ARMC9: variants seen among roughly 807,000 people sequenced by gnomAD.
ARMC9 encodes lisH domain-containing protein ARMC9.
ARMC9 carries 94 observed loss-of-function variants against 107.0 expected under a neutral mutation model. The observed-to-expected ratio is 0.88, with a 90% CI of 0.74 to 1.04. The LOEUF is 1.04. Among genes scored for constraint, ARMC9 ranks in the 50% least tolerant of loss-of-function variants. ARMC9 has a pLI of 0.00. For missense variants in ARMC9, 942 were observed against 1,030.1 expected, an observed-to-expected ratio of 0.91 and a Z score of 1.17; for synonymous variants, 380 against 396.9, an observed-to-expected ratio of 0.96 and a Z score of 0.51.
chr2:231,256,046 A>C (rs2037757923), intron 9 of ARMC9: 1 of 1,505,580 alleles, frequency 6.6e-7, no homozygotes, highest in Non-Finnish European at 8.9e-7. Flanking sequence ...TCTCAAAAAA[A>C]ACAAAAACAA....
chr2:231,218,426 G>GGTAGATTTTCACT (rs1472221386), intron 5 of ARMC9, among the ~76,000 whole-genome samples: 9 of 152,116 alleles, frequency 5.9e-5, no homozygotes, highest in African/African-American at 1.9e-4. Flanking sequence ...GGAAGGAGAT[G>GGTAGATTTTCACT]GTAGATTTTC....
In ARMC9 at chr2:231,300,396, A is replaced by G. The variant is rs143446732; in HGVS notation, c.1773+4143A>G. On this transcript the variant is annotated intron_variant, in intron 19 of 24. Coordinates refer to ENST00000611582, the MANE Select transcript of ARMC9 (RefSeq NM_001352754.2). ...ACTAATGGGGAAGGGATGCAAAAGA[A>G]ATCTAAAAGAGTATCTGTGGTTTAA... is the stretch of plus-strand genomic sequence containing the variant. 6.2e-3 allele frequency among the ~76,000 whole-genome samples: 945 copies of G among 152,324 alleles called. 15 individuals are homozygous for G. The highest frequency in any genetic ancestry group is 0.022 in the African/African-American group (897 of 41,566).
chr2:231,240,581 ATATAT>A (rs1416009548), intron 9 of ARMC9, among the ~76,000 whole-genome samples: 1 of 152,188 alleles, frequency 6.6e-6, no homozygotes, highest in African/African-American at 2.4e-5. Context: ...GATAAATTAT[ATATAT>A]TATGACTCTT....
chr2:231,208,786 T>G (rs1053298410), intron 3 of ARMC9, among the ~76,000 whole-genome samples: 1 of 152,140 alleles, frequency 6.6e-6, no homozygotes, highest in African/African-American at 2.4e-5. Flanking sequence ...TAAAAATCCT[T>G]GACTAGGCAT....
intron 17 of ARMC9, 110 bp downstream of exon 17, chr2:231,282,243 C>T: frequency 4.6e-6 from 5 of 1,085,928 alleles, no homozygotes; most frequent in South Asian, 1.3e-5. Flanking sequence ...AGATCCGTTC[C>T]AAACTCCTTG....
chr2:231,216,786 T>C lies in ARMC9; in HGVS notation c.497T>C (p.Leu166Pro), dbSNP rs2033553083. 1.2e-6 allele frequency: 2 copies of C among 1,611,662 alleles called. No individual in the cohort carries two copies. Among genetic ancestry groups the C allele is most frequent in the Non-Finnish European group, 8.5e-7 (1 of 1,179,374 alleles). Reference protein sequence around the residue: ...NPMVHPSFKELFQDSWTPELK... With the variant: ...NPMVHPSFKEPFQDSWTPELK... ...ATGGTGCACCCCTCATTTAAAGAAC[T>C]CTTCCAGGTAAATGTCAGCTTTTAA... Residue 166 changes from leucine (L) to proline (P), a missense_variant, in exon 5 of 25, where the codon CTC (leucine) becomes CCC (proline). Coordinates refer to ENST00000611582, the MANE Select transcript of ARMC9 (RefSeq NM_001352754.2).
chr2:231,265,193 G>T (rs1023235468), intron 12 of ARMC9, among the ~76,000 whole-genome samples: 1 of 152,070 alleles, frequency 6.6e-6, no homozygotes, highest in African/African-American at 2.4e-5. Context: ...AAAACAGTAC[G>T]GAGATTCCTT....
In ARMC9 at chr2:231,222,722, CT is replaced by C; in HGVS notation, c.505-3del. On this transcript the variant is annotated splice_polypyrimidine_tract_variant and splice_region_variant and intron_variant, in intron 5 of 24. Transcript: ENST00000611582. ...TGTTTGTATTTTTGTTCCCTTTTTT[CT>C]TTAGGATTCCTGGACTCCAGAGTTA... is the stretch of plus-strand genomic sequence containing the variant. 6.8e-7 allele frequency: 1 copy of C among 1,473,662 alleles called. No homozygotes were observed. Among genetic ancestry groups the C allele is most frequent in the Non-Finnish European group, 9.4e-7 (1 of 1,065,066 alleles). 91.3% of individuals were successfully genotyped at this position (1,473,662 alleles called of 1,614,324 possible). A position where few individuals can be genotyped will look rare whatever the true frequency, so the allele number is the denominator to read the frequency against.
chr2:231,254,072 G>A (rs1171385281), intron 9 of ARMC9, among the ~76,000 whole-genome samples: 2 of 152,130 alleles, frequency 1.3e-5, no homozygotes, highest in Admixed American at 6.6e-5. Context: ...GGCTCTCGGG[G>A]AACAACAAAA....
chr2:231,322,208 C>G (rs1211401940), intron 19 of ARMC9, among the ~76,000 whole-genome samples: 1 of 152,260 alleles, frequency 6.6e-6, no homozygotes, highest in Admixed American at 6.5e-5. Context: ...CATCTGCAGT[C>G]GTGGGCACGT....
At chr2:231,361,459 CTA>C (rs1491334974) in intron 23 of ARMC9, among the ~76,000 whole-genome samples, 1 of 117,248 alleles carries the variant, frequency 8.5e-6, no homozygotes, top group Non-Finnish European at 1.7e-5. Flanking sequence ...AATCAAAAAA[CTA>C]AAAAAAAAAA....
intron 19 of ARMC9, among the ~76,000 whole-genome samples, chr2:231,331,477 CAG>C (rs1314154048): frequency 1.3e-5 from 2 of 152,126 alleles, no homozygotes; most frequent in African/African-American, 4.8e-5. Context: ...CTTGATCTCA[CAG>C]AGAGAGAAGT....
At chr2:231,247,994 G>A (rs2036929656) in intron 9 of ARMC9, among the ~76,000 whole-genome samples, 1 of 152,206 alleles carries the variant, frequency 6.6e-6, no homozygotes, top group African/African-American at 2.4e-5. Context: ...CCAGCCATCA[G>A]CTGAGACCTT....
intron 20 of ARMC9, among the ~76,000 whole-genome samples, chr2:231,338,280 G>T (rs1034485385): frequency 6.6e-6 from 1 of 150,884 alleles, no homozygotes; most frequent in African/African-American, 2.4e-5. Flanking sequence ...GTGCAGTGGC[G>T]CAATCTCGGC....
In ARMC9 at chr2:231,291,317, T is replaced by C. The variant is rs747803050; in HGVS notation, c.1627-36T>C. The C allele has an allele frequency of 8.4e-6, 13 of 1,555,722 alleles. No homozygotes were observed. In the East Asian group the frequency reaches 2.5e-4, roughly 30 times the overall value. On this transcript the variant is annotated intron_variant, in intron 17 of 24. Transcript: ENST00000611582. ...TGAAAAGTAGTTTCCCTCCAGACACTGAAATGTTAACTATTACTTTCGCCA... is the reference window on the plus strand; with the variant it reads ...TGAAAAGTAGTTTCCCTCCAGACACCGAAATGTTAACTATTACTTTCGCCA...
At chr2:231,330,999 G>A (rs554579059) in intron 19 of ARMC9, among the ~76,000 whole-genome samples, 18 of 152,122 alleles carry the variant, frequency 1.2e-4, no homozygotes, top group Non-Finnish European at 2.5e-4. Context: ...AAAAGTAGCC[G>A]GATGTGGTGG....
chr2:231,264,382 T>A (rs1221231856), intron 12 of ARMC9, among the ~76,000 whole-genome samples: 1 of 151,998 alleles, frequency 6.6e-6, no homozygotes, highest in Middle Eastern at 3.2e-3. Flanking sequence ...TTTCACTGTG[T>A]TGGCCAGGCT....
At chr2:231,286,184 C>T (rs764407996) in intron 17 of ARMC9, among the ~76,000 whole-genome samples, 6 of 151,904 alleles carry the variant, frequency 3.9e-5, no homozygotes, top group Non-Finnish European at 7.4e-5. Context: ...GGTGGGATCT[C>T]GGCTTACTGT....
chr2:231,259,813 C>G (rs2038170744), intron 11 of ARMC9, among the ~76,000 whole-genome samples: 1 of 152,012 alleles, frequency 6.6e-6, no homozygotes, highest in Non-Finnish European at 1.5e-5. Context: ...GCCAACATGG[C>G]AAAACCCCAT....
Sources: allele counts gnomAD v4.1 joint callset (sites outside exome capture counted in the v4.1 genomes callset), GRCh38; gene constraint gnomAD v4.1.1; transcripts MANE v1.5; gene names NCBI Gene and HGNC (gene_info 2026-07-23, HGNC 2026-07-21).